Variants in NDC1 observed in about 807,000 individuals in gnomAD.
NDC1 encodes NDC1 transmembrane nucleoporin, also known as nucleoporin NDC1.
Under a neutral mutation model 89.8 loss-of-function variants are expected in NDC1, and 24 were observed. That is an observed-to-expected ratio of 0.27 (90% CI 0.19 to 0.38). NDC1 has a LOEUF of 0.38. Ranked by LOEUF, NDC1 falls within the 10% of genes least tolerant of loss-of-function variation. NDC1 has a pLI of 1.00. For synonymous variants in NDC1, 296 were observed against 284.8 expected (o/e 1.04, Z -0.39); for missense variants, 728 against 797.6 (o/e 0.91, Z 1.05).
intron 4 of NDC1, among the ~76,000 whole-genome samples, chr1:53,826,964 C>G (rs1261828439): frequency 1.3e-5 from 2 of 152,226 alleles, no homozygotes; most frequent in Non-Finnish European, 2.9e-5. Flanking sequence ...CTCCCTGGAA[C>G]TTCACTGCCA....
At chr1:53,833,621 C>T (rs1346795156) in intron 2 of NDC1, among the ~76,000 whole-genome samples, 5 of 151,776 alleles carry the variant, frequency 3.3e-5, no homozygotes, top group African/African-American at 4.8e-5. Flanking sequence ...TCTAAACGAG[C>T]GGAACTCAAA....
intron 16 of NDC1, among the ~76,000 whole-genome samples, chr1:53,780,470 G>C (rs1284163042): frequency 6.6e-6 from 1 of 152,128 alleles, no homozygotes; most frequent in Non-Finnish European, 1.5e-5. Flanking sequence ...GCTCCCGGAG[G>C]GCAGGAACCC....
intron 6 of NDC1, among the ~76,000 whole-genome samples, chr1:53,814,377 TAAAA>T (rs1445732828): frequency 3.1e-4 from 47 of 151,742 alleles, no homozygotes; most frequent in Non-Finnish European, 2.9e-5. Flanking sequence ...AATAAATAAA[TAAAA>T]AATAATTTTT....
intron 17 of NDC1, among the ~76,000 whole-genome samples, chr1:53,769,276 T>C (rs1034690639): frequency 2.0e-5 from 3 of 152,210 alleles, no homozygotes; most frequent in Non-Finnish European, 2.9e-5. Flanking sequence ...TGGGGAGATG[T>C]AGGTCAAAGG....
At chr1:53,793,479 G>C (rs1381444569) in intron 13 of NDC1, among the ~76,000 whole-genome samples, 200 bp from the exon 14 acceptor site, 1 of 152,162 alleles carries the variant, frequency 6.6e-6, no homozygotes, top group Non-Finnish European at 1.5e-5. Flanking sequence ...ACCAAGATGA[G>C]CCAACTAAAC....
intron 3 of NDC1, among the ~76,000 whole-genome samples, chr1:53,829,737 A>C (rs1006010445): frequency 6.6e-6 from 1 of 152,264 alleles, no homozygotes; most frequent in South Asian, 2.1e-4. Context: ...GACATATTAC[A>C]TACAGAAGAT....
In NDC1 at chr1:53,803,657, C is replaced by T. The variant is rs543093785; in HGVS notation, c.1066+271G>A. ...CGCAATCTCGGCTCACTGCAAGCTC[C>T]GCCTCCCAGGCTCACGCCATTCTCC... On this transcript the variant is annotated intron_variant, in intron 10 of 17. Transcript: ENST00000371429. Among the ~76,000 whole-genome samples, 165 of 152,274 alleles carry T rather than the reference C, an allele frequency of 1.1e-3. 1 individual carries two copies. The highest frequency in any genetic ancestry group is 3.9e-3 in the African/African-American group (160 of 41,548).
chr1:53,807,533 A>G, intron 8 of NDC1, 123 bp downstream of exon 8: 1 of 702,598 alleles, frequency 1.4e-6, no homozygotes, highest in South Asian at 2.4e-5. Context: ...GAGTCTCAGA[A>G]GAGAGACCAA....
At chr1:53,806,398 T>C in intron 9 of NDC1, 27 bp downstream of exon 9, 1 of 1,416,124 alleles carries the variant, frequency 7.1e-7, no homozygotes, top group Non-Finnish European at 9.5e-7. Context: ...GAAAACTGTG[T>C]GAAGATATGC....
intron 15 of NDC1, among the ~76,000 whole-genome samples, chr1:53,787,465 A>G (rs922233233): frequency 6.6e-6 from 1 of 151,708 alleles, no homozygotes; most frequent in Admixed American, 6.6e-5. Context: ...CCTGGGCAAC[A>G]TGGTGAAACC....
Position 53,796,987 on chromosome 1 carries a change from A to G in NDC1, c.1380T>C (p.Ala460=), listed in dbSNP as rs1647730445. The G allele has an allele frequency of 6.2e-7, 1 of 1,614,104 alleles. No homozygotes were observed. The highest frequency in any genetic ancestry group is 1.3e-5 in the African/African-American group (1 of 74,938). The change falls in exon 12 of 18, where the codon GCT becomes GCC. Residue 460 remains alanine (A), a synonymous_variant. Transcript: ENST00000371429. Reference sequence around the variant, plus strand: ...AGCAGGTGTTTACATCAAAAATTCCAGCCATCCGATTCATTACACTAGAGC... The same window carrying G: ...AGCAGGTGTTTACATCAAAAATTCCGGCCATCCGATTCATTACACTAGAGC... ...PFGSSVMNRM[A]GIFDVNTCYG... is the part of the protein sequence containing the mutation.
At chr1:53,773,965 G>A (rs1184130671) in intron 16 of NDC1, among the ~76,000 whole-genome samples, 1 of 152,142 alleles carries the variant, frequency 6.6e-6, no homozygotes, top group Non-Finnish European at 1.5e-5. Context: ...TTGGGTACCT[G>A]TCCCTTCACG....
intron 16 of NDC1, among the ~76,000 whole-genome samples, chr1:53,775,224 T>C (rs939308542): frequency 2.6e-5 from 4 of 152,206 alleles, no homozygotes; most frequent in Non-Finnish European, 4.4e-5. Context: ...TACAGCCATT[T>C]TCTTTGCACC....
At chr1:53,791,764 T>C (rs1647512824) in intron 14 of NDC1, among the ~76,000 whole-genome samples, 1 of 152,228 alleles carries the variant, frequency 6.6e-6, no homozygotes, top group African/African-American at 2.4e-5. Flanking sequence ...GTCTGCCACT[T>C]ACTGTCTCTG....
At chr1:53,797,298 G>A (rs183491756) in intron 11 of NDC1, among the ~76,000 whole-genome samples, 154 bp from the exon 12 acceptor site, 8 of 152,238 alleles carry the variant, frequency 5.3e-5, no homozygotes, top group East Asian at 1.9e-4. Context: ...CTCAAGATTC[G>A]ATTTTACTAC....
chr1:53,808,705 A>G (rs1311483117), intron 7 of NDC1, among the ~76,000 whole-genome samples: 3 of 152,234 alleles, frequency 2.0e-5, no homozygotes, highest in Non-Finnish European at 4.4e-5. Flanking sequence ...TTTCTATCAA[A>G]TGCCATTATT....
intron 16 of NDC1, among the ~76,000 whole-genome samples, chr1:53,777,657 T>G (rs1647173223): frequency 6.6e-6 from 1 of 152,202 alleles, no homozygotes; most frequent in African/African-American, 2.4e-5. Context: ...TTTTCTCACT[T>G]TAATTGCCTT....
Position 53,766,730 on chromosome 1 carries a change from T to A in NDC1, c.*1240A>T, listed in dbSNP as rs1481271134. ...TATATGATACCACATTAAAGATTCA[T>A]ATACAGTACTGTGCTGACTTTAAAG... On this transcript the variant is annotated 3_prime_UTR_variant, in exon 18 of 18. Coordinates refer to ENST00000371429, the MANE Select transcript of NDC1 (RefSeq NM_018087.5). 1 of 152,186 alleles carries A rather than the reference T, an allele frequency of 6.6e-6. No individual in the cohort carries two copies. The highest frequency in any genetic ancestry group is 1.9e-4 in the East Asian group (1 of 5,202). 9.4% of individuals were successfully genotyped at this position (152,186 alleles called of 1,614,324 possible).
chr1:53,780,966 G>A (rs969631537), intron 16 of NDC1, among the ~76,000 whole-genome samples: 5 of 151,138 alleles, frequency 3.3e-5, no homozygotes, highest in Non-Finnish European at 7.4e-5. Context: ...TGATCCTTCA[G>A]CCCCAGCCTC....
Sources: gnomAD v4.1 joint callset for allele counts (sites outside exome capture counted in the v4.1 genomes callset) on GRCh38, gnomAD v4.1.1 for gene constraint, MANE v1.5 for transcripts, NCBI Gene and HGNC (gene_info 2026-07-23, HGNC 2026-07-21) for gene names.